Variants in DAB1 observed in about 807,000 individuals in gnomAD.
DAB1 encodes the protein DAB adaptor protein 1.
In DAB1, 15 loss-of-function variants were observed where a neutral mutation model predicts 64.6. The observed-to-expected ratio is 0.23, with a 90% CI of 0.16 to 0.36. The LOEUF is 0.36. DAB1 is among the 10% of genes least tolerant of loss of function. DAB1 has a pLI of 1.00. For synonymous variants in DAB1, 235 were observed against 251.9 expected (o/e 0.93, Z 0.64); for missense variants, 596 against 706.7 (o/e 0.84, Z 1.78).
At chr1:57,533,307 G>A (rs546255431) in intron 7 of DAB1, among the ~76,000 whole-genome samples, 68 of 150,668 alleles carry the variant, frequency 4.5e-4, no homozygotes, top group African/African-American at 1.6e-3. Flanking sequence ...GCTTCTCACC[G>A]AGACCCTGTG....
chr1:57,511,081 A>T (rs1558448058), intron 7 of DAB1, among the ~76,000 whole-genome samples: 1 of 152,126 alleles, frequency 6.6e-6, no homozygotes, highest in Non-Finnish European at 1.5e-5. Flanking sequence ...CAAACCAAAG[A>T]CCATCTCTTG....
chr1:58,284,876 G>T (rs1661647521), intron 4 of DAB1, among the ~76,000 whole-genome samples: 1 of 152,198 alleles, frequency 6.6e-6, no homozygotes, highest in South Asian at 2.1e-4. Flanking sequence ...TACACCTTCT[G>T]ACTGCTTGAG....
At chr1:57,537,078 T>C (rs113132191) in intron 7 of DAB1, among the ~76,000 whole-genome samples, 1 of 152,274 alleles carries the variant, frequency 6.6e-6, no homozygotes, top group Non-Finnish European at 1.5e-5. Flanking sequence ...TTTAATTCTA[T>C]GTTGAAATGA....
intron 3 of DAB1, among the ~76,000 whole-genome samples, chr1:58,412,444 C>G (rs553085617): frequency 2.6e-5 from 4 of 152,176 alleles, no homozygotes; most frequent in African/African-American, 9.7e-5. Flanking sequence ...CACTTCTGGC[C>G]TGTTCATCAC....
chr1:58,045,061 T>C (rs142835306), intron 5 of DAB1, among the ~76,000 whole-genome samples: 37 of 152,338 alleles, frequency 2.4e-4, no homozygotes, highest in African/African-American at 8.9e-4. Flanking sequence ...TTGGAATCTA[T>C]ATAAATATTA....
At chr1:57,745,202 G>C (rs995684959) in intron 6 of DAB1, among the ~76,000 whole-genome samples, 3 of 152,104 alleles carry the variant, frequency 2.0e-5, no homozygotes. Context: ...TTGGAGGTAA[G>C]GGAATGTATC....
At chr1:57,414,407 T>C (rs114556857) in intron 1 of DAB1, among the ~76,000 whole-genome samples, 1 of 152,252 alleles carries the variant, frequency 6.6e-6, no homozygotes, top group South Asian at 2.1e-4. Context: ...CATTAGCATA[T>C]GTGAGCAATA....
intron 5 of DAB1, among the ~76,000 whole-genome samples, chr1:57,901,289 A>C (rs918467963): frequency 9.9e-5 from 15 of 152,048 alleles, no homozygotes; most frequent in African/African-American, 3.6e-4. Flanking sequence ...CGGGTTCCCA[A>C]TTAATAACCG....
chr1:58,192,154 CCA>C (rs1657421244), intron 4 of DAB1, among the ~76,000 whole-genome samples: 1 of 152,078 alleles, frequency 6.6e-6, no homozygotes, highest in African/African-American at 2.4e-5. Flanking sequence ...CTGCATGATT[CCA>C]GTTATAGAAG....
At position 57,290,200 on chromosome 1, in the gene DAB1, G is replaced by A. The variant is rs190388350; in HGVS notation, c.67+764C>T. Among the ~76,000 whole-genome samples the A allele has an allele frequency of 2.3e-4, 35 of 151,992 alleles. No homozygotes were observed. In the Middle Eastern group the frequency reaches 0.017, roughly 74 times the overall value. ...TGGGAGTAAGAAAAGGCTCCCCCAG[G>A]AGGCTCCCCTAAACTCAAACCTAGT... On this transcript the variant is annotated intron_variant, in intron 2 of 14. Transcript: ENST00000371236.
chr1:57,119,790 C>A (rs897899586), intron 4 of DAB1, among the ~76,000 whole-genome samples: 4 of 152,200 alleles, frequency 2.6e-5, no homozygotes, highest in Non-Finnish European at 4.4e-5. Flanking sequence ...ACAGCAAAAC[C>A]CCCTTCCAGA....
chr1:57,711,036 A>G (rs965641740), intron 6 of DAB1, among the ~76,000 whole-genome samples: 3 of 152,176 alleles, frequency 2.0e-5, no homozygotes, highest in African/African-American at 4.8e-5. Flanking sequence ...TACAATAGTG[A>G]TGTTATCTGC....
intron 7 of DAB1, among the ~76,000 whole-genome samples, chr1:57,552,384 C>T (rs1644924187): frequency 6.6e-6 from 1 of 152,160 alleles, no homozygotes; most frequent in African/African-American, 2.4e-5. Context: ...CTGTCCAGGA[C>T]AGCCGGCAAG....
intron 6 of DAB1, among the ~76,000 whole-genome samples, chr1:57,684,924 C>CA (rs955080447): frequency 2.7e-5 from 4 of 150,214 alleles, no homozygotes; most frequent in East Asian, 3.9e-4. Flanking sequence ...AAATGGAAAA[C>CA]AAAAAAACAG....
intron 1 of DAB1, among the ~76,000 whole-genome samples, chr1:57,404,756 C>T (rs552746642): frequency 8.5e-5 from 13 of 152,288 alleles, no homozygotes; most frequent in African/African-American, 3.1e-4. Context: ...ATTATGAACA[C>T]TAGAAGTTTT....
chr1:57,869,861 C>A (rs150580403), intron 1 of DAB1, among the ~76,000 whole-genome samples: 1 of 152,092 alleles, frequency 6.6e-6, no homozygotes, highest in Non-Finnish European at 1.5e-5. Context: ...ACATGGAAAC[C>A]TAATCATAAC....
intron 1 of DAB1, among the ~76,000 whole-genome samples, chr1:58,535,487 T>C (rs1354508787): frequency 1.3e-5 from 2 of 151,330 alleles, no homozygotes; most frequent in East Asian, 3.9e-4. Flanking sequence ...TCCCAGCTAC[T>C]CGGGAGGCTG....
chr1:58,497,551 A>G (rs1296369289), intron 3 of DAB1, among the ~76,000 whole-genome samples: 2 of 152,196 alleles, frequency 1.3e-5, no homozygotes, highest in East Asian at 3.8e-4. Context: ...CCTCTTTAGC[A>G]TAAGAGTTAT....
intron 4 of DAB1, among the ~76,000 whole-genome samples, chr1:57,115,488 A>G (rs1485983411): frequency 6.6e-6 from 1 of 152,226 alleles, no homozygotes; most frequent in Non-Finnish European, 1.5e-5. Flanking sequence ...GCACTGTCCA[A>G]TAAAGGAGTC....
Sources: gnomAD v4.1 joint callset for allele counts (sites outside exome capture counted in the v4.1 genomes callset) on GRCh38, gnomAD v4.1.1 for gene constraint, MANE v1.5 for transcripts, NCBI Gene and HGNC (gene_info 2026-07-23, HGNC 2026-07-21) for gene names.